The following KCND2 variants were observed in gnomAD, a reference collection of about 807,000 sequenced individuals.
KCND2 encodes A-type voltage-gated potassium channel KCND2.
In KCND2, 16 loss-of-function variants were observed where a neutral mutation model predicts 54.4. The observed-to-expected ratio is 0.29, with a 90% confidence interval of 0.20 to 0.45. KCND2 has a LOEUF of 0.45. KCND2 is among the 20% of genes least tolerant of loss of function. The probability of loss-of-function intolerance (pLI) is 1.00; values close to 1 mark genes in which losing one functional copy is unlikely to be tolerated. For synonymous variants in KCND2, 317 were observed against 310.7 expected, an observed-to-expected ratio of 1.02 and a Z score of -0.21; for missense variants, 486 against 824.2, an observed-to-expected ratio of 0.59 and a Z score of 5.02.
At chr7:120,332,090 C>G (rs1265066173) in intron 1 of KCND2, among the ~76,000 whole-genome samples, 1 of 152,014 alleles carries the variant, frequency 6.6e-6, no homozygotes, top group Non-Finnish European at 1.5e-5. Flanking sequence ...CTGTTCTCCC[C>G]TGCAACCTCA....
intron 1 of KCND2, among the ~76,000 whole-genome samples, chr7:120,644,946 GT>G (rs1013794348): frequency 1.1e-4 from 17 of 151,448 alleles, no homozygotes; most frequent in African/African-American, 2.9e-4. Context: ...TGTTGATGGA[GT>G]TTTTTTTTCC....
chr7:120,467,208 T>A (rs1446073952), intron 1 of KCND2, among the ~76,000 whole-genome samples: 1 of 152,140 alleles, frequency 6.6e-6, no homozygotes, highest in South Asian at 2.1e-4. Context: ...GAGAATAATA[T>A]AGGTCAGAGA....
chr7:120,644,575 A>G (rs2116535432), intron 1 of KCND2, among the ~76,000 whole-genome samples: 1 of 152,320 alleles, frequency 6.6e-6, no homozygotes, highest in Middle Eastern at 3.4e-3. Flanking sequence ...TTCTCATCAA[A>G]TGACAGCATC....
At chr7:120,356,303 GT>G (rs1800504010) in intron 1 of KCND2, among the ~76,000 whole-genome samples, 1 of 152,182 alleles carries the variant, frequency 6.6e-6, no homozygotes, top group South Asian at 2.1e-4. Flanking sequence ...GAAATAATGT[GT>G]GCTCCCCTAG....
At chr7:120,327,811 G>C (rs1800001070) in intron 1 of KCND2, among the ~76,000 whole-genome samples, 1 of 151,742 alleles carries the variant, frequency 6.6e-6, no homozygotes, top group Non-Finnish European at 1.5e-5. Context: ...ACTGTTCTTG[G>C]TCACTTAAAA....
chr7:120,417,959 TA>T (rs1801547886), intron 1 of KCND2, among the ~76,000 whole-genome samples: 1 of 152,162 alleles, frequency 6.6e-6, no homozygotes, highest in Non-Finnish European at 1.5e-5. Flanking sequence ...AGAAATAGGA[TA>T]AAATATTCAT....
chr7:120,482,908 C>A (rs922198370), intron 1 of KCND2, among the ~76,000 whole-genome samples: 2 of 152,152 alleles, frequency 1.3e-5, no homozygotes, highest in African/African-American at 2.4e-5. Flanking sequence ...TGATTAATTG[C>A]GTCACTTATT....
rs77147717 is a variant in KCND2, at chr7:120,571,557, G to A, written c.1116-161346G>A. On this transcript the variant is annotated intron_variant, in intron 1 of 5. Coordinates refer to ENST00000331113, the MANE Select transcript of KCND2 (RefSeq NM_012281.3). ...TTCTCACGCTCTATTCTAGAAAAAC[G>A]TGAAGAGGAAACAATATAAGTTTAG... Among the ~76,000 whole-genome samples, 1,199 of 152,268 alleles carry A rather than the reference G, an allele frequency of 7.9e-3. 53 individuals are homozygous for A. The East Asian group carries it at 0.1, about 13-fold the overall frequency.
At chr7:120,578,033 G>A (rs1390394780) in intron 1 of KCND2, among the ~76,000 whole-genome samples, 3 of 34,564 alleles carry the variant, frequency 8.7e-5, no homozygotes, top group Admixed American at 2.4e-4. Flanking sequence ...AAACGAAGAA[G>A]GAGAAGAAGG....
At chr7:120,315,533 G>A (rs900079822) in intron 1 of KCND2, among the ~76,000 whole-genome samples, 4 of 152,090 alleles carry the variant, frequency 2.6e-5, no homozygotes, top group African/African-American at 7.2e-5. Context: ...GTGAATCTCG[G>A]TGTCGATTAT....
At chr7:120,488,533 A>G (rs996794564) in intron 1 of KCND2, among the ~76,000 whole-genome samples, 1 of 152,122 alleles carries the variant, frequency 6.6e-6, no homozygotes, top group Non-Finnish European at 1.5e-5. Context: ...AAAAATGCAA[A>G]ATGTGTAAGT....
intron 1 of KCND2, among the ~76,000 whole-genome samples, chr7:120,536,094 C>T (rs1304021435): frequency 6.6e-6 from 1 of 152,120 alleles, no homozygotes; most frequent in African/African-American, 2.4e-5. Flanking sequence ...CAGTTCCACA[C>T]AACCACAATA....
At chr7:120,428,529 CTT>C (rs1168478254) in intron 1 of KCND2, among the ~76,000 whole-genome samples, 1 of 152,220 alleles carries the variant, frequency 6.6e-6, no homozygotes, top group Admixed American at 6.5e-5. Context: ...TATTTGTTTG[CTT>C]TTTTAATAAA....
intron 1 of KCND2, among the ~76,000 whole-genome samples, chr7:120,447,504 T>A (rs1802033706): frequency 6.6e-6 from 1 of 152,076 alleles, no homozygotes; most frequent in South Asian, 2.1e-4. Flanking sequence ...TCAAGAAAAT[T>A]ATAGAAGAAA....
chr7:120,736,136 A>G (rs1180066681), intron 2 of KCND2, among the ~76,000 whole-genome samples: 1 of 152,108 alleles, frequency 6.6e-6, no homozygotes, highest in East Asian at 1.9e-4. Context: ...TTTGGTGTTT[A>G]ATTCAATTGC....
At chr7:120,692,142 G>A (rs1290572310) in intron 1 of KCND2, among the ~76,000 whole-genome samples, 2 of 152,168 alleles carry the variant, frequency 1.3e-5, no homozygotes, top group Non-Finnish European at 2.9e-5. Context: ...GTAAAGGGAG[G>A]GAGACAAATG....
intron 1 of KCND2, among the ~76,000 whole-genome samples, chr7:120,479,786 TAC>T (rs1341531337): frequency 6.5e-5 from 7 of 107,158 alleles, no homozygotes; most frequent in South Asian, 3.0e-4. Flanking sequence ...ATATAAACTA[TAC>T]ACACACACAA....
chr7:120,367,621 G>A (rs781624253), intron 1 of KCND2, among the ~76,000 whole-genome samples: 1 of 149,340 alleles, frequency 6.7e-6, no homozygotes, highest in Admixed American at 6.7e-5. Flanking sequence ...GAACTTCTAT[G>A]GTTAACATCT....
chr7:120,339,096 G>A (rs538770210), intron 1 of KCND2, among the ~76,000 whole-genome samples: 4 of 148,906 alleles, frequency 2.7e-5, no homozygotes, highest in African/African-American at 5.0e-5. Context: ...GGGCTTCACC[G>A]TGTTAGCTAG....
Sources: allele counts gnomAD v4.1 joint callset (sites outside exome capture counted in the v4.1 genomes callset), GRCh38; gene constraint gnomAD v4.1.1; transcripts MANE v1.5; gene names NCBI Gene and HGNC (gene_info 2026-07-23, HGNC 2026-07-21).